The following ZBTB4 variants were observed in gnomAD, a reference collection of about 807,000 sequenced individuals.
ZBTB4 encodes the protein zinc finger and BTB domain-containing protein 4.
A neutral mutation model predicts 59.8 loss-of-function variants in ZBTB4; 14 were observed. The observed-to-expected ratio is 0.23, with a 90% confidence interval of 0.15 to 0.37. The LOEUF (loss-of-function observed/expected upper bound fraction) is 0.37. ZBTB4 is among the 10% of genes least tolerant of loss of function. ZBTB4 has a pLI of 1.00. For synonymous variants in ZBTB4, 587 were observed against 575.2 expected (o/e 1.02, Z -0.29); for missense variants, 1,198 against 1,380.8 (o/e 0.87, Z 2.10).
upstream of ZBTB4, chr17:7,479,665 A>G (rs1045454658): frequency 6.6e-5 from 1 of 15,248 alleles, no homozygotes. Context: ...CCCCACCCCC[A>G]CCCCCGGAAA....
Position 7,462,871 on chromosome 17 carries a change from C to A in ZBTB4, c.2111G>T (p.Arg704Leu). ...CGCTGGGGTTTCCTCCCAGCTCCTC[C>A]GTTCCAGCTTCTGCCTCCAACGTGG... ...RPPRWRQKLE[R>L]RSWEETPAAE... Residue 704 changes from arginine (R) to leucine (L), a missense_variant, in exon 4 of 4, where the codon CGG (arginine) becomes CTG (leucine). This residue lies in a region of ZBTB4 where 550 missense variants were observed against 541.8 expected (regional missense o/e 1.02). Coordinates refer to ENST00000380599, the MANE Select transcript of ZBTB4 (RefSeq NM_001128833.2). This position sits in a 1 kb window ranked among gnomAD's most constrained non-coding sequence, Gnocchi z 7.5. The A allele has an allele frequency of 6.2e-7, 1 of 1,606,394 alleles. No homozygotes were observed.
intron 1 of ZBTB4, among the ~76,000 whole-genome samples, chr17:7,477,142 G>A (rs771782768): frequency 3.3e-5 from 5 of 152,222 alleles, no homozygotes; most frequent in Non-Finnish European, 5.9e-5. Flanking sequence ...AAGCAAGTGT[G>A]TGCTGCCATT....
At chr17:7,476,245 A>G (rs771793499) in intron 1 of ZBTB4, among the ~76,000 whole-genome samples, 34 of 152,158 alleles carry the variant, frequency 2.2e-4, no homozygotes, top group Non-Finnish European at 2.4e-4. Flanking sequence ...ACTGGTCCCC[A>G]CTGACTCTAG....
At chr17:7,482,432 G>A (rs200897540), upstream of ZBTB4, 14 of 1,597,800 alleles carry the variant, frequency 8.8e-6, no homozygotes, top group Middle Eastern at 1.7e-4. Context: ...CCTCTGCCTT[G>A]AGAGCCAGGG....
chr17:7,463,035 C>CTCTTCG lies in ZBTB4; in HGVS notation c.1946_1947insCGAAGA (p.Glu648_Glu649insAspGlu). On this transcript the variant is annotated inframe_insertion, in exon 4 of 4. Coordinates refer to ENST00000380599, the MANE Select transcript of ZBTB4 (RefSeq NM_001128833.2). The stretch of plus-strand genomic sequence containing the variant: ...CAGCCTTTGATTCCTCCTCATCCTC[C>CTCTTCG]TCCTCCTCCTCTTCGTCCTCCTCCT... 6.2e-7 allele frequency: 1 copy of CTCTTCG among 1,611,368 alleles called. No homozygotes were observed. Among genetic ancestry groups the CTCTTCG allele is most frequent in the Non-Finnish European group, 8.5e-7 (1 of 1,179,602 alleles).
chr17:7,469,253 G>T (rs1326635672), intron 1 of ZBTB4, among the ~76,000 whole-genome samples: 3 of 152,108 alleles, frequency 2.0e-5, no homozygotes, highest in African/African-American at 7.2e-5. Context: ...TGCAACCCCC[G>T]CCTCCTAGGT....
Position 7,466,725 on chromosome 17 carries a change from C to CT in ZBTB4, c.76_77insA (p.Arg26GlnfsTer6). On this transcript the variant is annotated frameshift_variant, in exon 3 of 4. Coordinates refer to ENST00000380599, the MANE Select transcript of ZBTB4 (RefSeq NM_001128833.2). LOFTEE classifies it high-confidence loss of function. This position sits in a 1 kb window ranked among gnomAD's most constrained non-coding sequence, Gnocchi z 9.1. The stretch of plus-strand genomic sequence containing the variant: ...GAGGGTGACGTCACAGAAGAGGCCA[C>CT]GGAGCCGCTGTTCATTGAGCTGGCG... The CT allele has an allele frequency of 6.2e-7, 1 of 1,602,334 alleles. No individual in the cohort carries two copies. Among genetic ancestry groups the CT allele is most frequent in the Non-Finnish European group, 8.5e-7 (1 of 1,175,322 alleles).
Position 7,462,802 on chromosome 17 carries a change from C to T in ZBTB4, c.2180G>A (p.Arg727Gln), listed in dbSNP as rs765167064. The change falls in exon 4 of 4, where the codon CGA (arginine) becomes CAA (glutamine). Residue 727 changes from arginine to glutamine, a missense_variant. Coordinates refer to ENST00000380599, the MANE Select transcript of ZBTB4 (RefSeq NM_001128833.2). The surrounding 1 kb of genome is among the most constrained non-coding windows in gnomAD (Gnocchi z 7.5). ...GAAGGTCTGGGCACAGTCCCCGCAT[C>T]GGTGCCTCCGCTCTGTGCGGGCACG... ...AGRARTERRH[R>Q]CGDCAQTFTT... 7.5e-6 allele frequency: 12 copies of T among 1,602,434 alleles called. No homozygotes were observed. Among genetic ancestry groups the T allele is most frequent in the African/African-American group, 2.7e-5 (2 of 74,934 alleles).
rs868505941 is a variant in ZBTB4, at chr17:7,462,383, A to G, written c.2599T>C (p.Tyr867His). 9.3e-6 allele frequency: 15 copies of G among 1,613,726 alleles called. 1 individual carries two copies. The Admixed American group carries it at 1.2e-4, about 13-fold the overall frequency. The stretch of plus-strand genomic sequence containing the variant: ...AATTCCTGCACAGGTGGGTATACAT[A>G]GCTGCCCCCGCTTGCCACTACTGGG... ...EPPVVASGGS[Y>H]VYPPVQEFPL... The change falls in exon 4 of 4, where the codon TAT becomes CAT. Residue 867 changes from tyrosine (Y) to histidine (H), a missense_variant. By Grantham distance (83) the Tyr-to-His change is moderately conservative. This residue lies in a region of ZBTB4 where 211 missense variants were observed against 236.1 expected (regional missense o/e 0.89). Coordinates refer to ENST00000380599, the MANE Select transcript of ZBTB4 (RefSeq NM_001128833.2). The surrounding 1 kb of genome is among the most constrained non-coding windows in gnomAD (Gnocchi z 7.5).
At chr17:7,463,941 G>C (rs1567685301) in intron 3 of ZBTB4, 51 bp from the exon 4 acceptor site, 1 of 1,560,846 alleles carries the variant, frequency 6.4e-7, no homozygotes, top group Admixed American at 1.9e-5. Flanking sequence ...CTTGAGTCAA[G>C]GGCCCTGAAG....
chr17:7,467,440 G>A (rs1279481268), intron 1 of ZBTB4, 113 bp from the exon 2 acceptor site: 1 of 192,178 alleles, frequency 5.2e-6, no homozygotes, highest in East Asian at 1.9e-4. Flanking sequence ...GTGCAGTACT[G>A]TGGCCAGAGA....
At chr17:7,472,322 C>G (rs1390495032) in intron 1 of ZBTB4, among the ~76,000 whole-genome samples, 1 of 152,016 alleles carries the variant, frequency 6.6e-6, no homozygotes, top group African/African-American at 2.4e-5. Flanking sequence ...TCCCGAGTAG[C>G]TGGGATTACA....
intron 1 of ZBTB4, among the ~76,000 whole-genome samples, chr17:7,471,713 T>C (rs1474899128): frequency 6.6e-6 from 1 of 152,240 alleles, no homozygotes; most frequent in Non-Finnish European, 1.5e-5. Flanking sequence ...TCTGTTTCTT[T>C]GTCCATACGG....
rs140359797 is a variant in ZBTB4, at chr17:7,470,195, C to T, written c.-80-2868G>A. On this transcript the variant is annotated intron_variant, in intron 1 of 3. Coordinates refer to ENST00000380599, the MANE Select transcript of ZBTB4 (RefSeq NM_001128833.2). ...GGTGGATCCCTTGAGCTCAGGAGTT[C>T]GAGACCAGCCTGGGCAAGATGGAGA... is the stretch of plus-strand genomic sequence containing the variant. Among the ~76,000 whole-genome samples, 710 of 151,948 alleles carry T rather than the reference C, an allele frequency of 4.7e-3. 8 individuals carry two copies. The highest frequency in any genetic ancestry group is 0.017 in the African/African-American group (690 of 41,408).
chr17:7,480,612 C>T (rs527568048), upstream of ZBTB4, among the ~76,000 whole-genome samples: 9 of 151,780 alleles, frequency 5.9e-5, no homozygotes, highest in Non-Finnish European at 1.0e-4. Context: ...CCCAGCTACT[C>T]GGGAGGCTGA....
rs558565592 is a variant in ZBTB4 at position 7,468,237 on chromosome 17, G to A, written c.-80-910C>T. ...AAATACAAAAAATTAGCCGGGCGTG[G>A]TGGCACGTGCCTGTAATCCCAGCTA... On this transcript the variant is annotated intron_variant, in intron 1 of 3. Transcript: ENST00000380599. Among the ~76,000 whole-genome samples, 29 of 152,342 alleles carry A rather than the reference G, an allele frequency of 1.9e-4. 1 individual carries two copies. Among genetic ancestry groups the A allele is most frequent in the African/African-American group, 6.7e-4 (28 of 41,584 alleles).
chr17:7,462,005 T>C lies in ZBTB4; in HGVS notation c.2977A>G (p.Ile993Val), dbSNP rs145271750. ...TPPPPTLPPPIPPKGEGERAG... is the reference protein window; with the variant it reads ...TPPPPTLPPPVPPKGEGERAG... ...CTTTCCCCTTCTCCCTTAGGGGGAA[T>C]TGGTGGAGGAAGAGTTGGGGGAGGT... The change falls in exon 4 of 4, where the codon ATT (isoleucine) becomes GTT (valine). Residue 993 changes from isoleucine (I) to valine (V), a missense_variant. Physicochemically the swap from Ile to Val is conservative, Grantham distance 29. Coordinates refer to ENST00000380599, the MANE Select transcript of ZBTB4 (RefSeq NM_001128833.2). The surrounding 1 kb of genome is among the most constrained non-coding windows in gnomAD (Gnocchi z 7.5). 4.6e-5 allele frequency: 73 copies of C among 1,602,070 alleles called. No homozygotes were observed. In the Middle Eastern group the frequency reaches 8.3e-4, roughly 18 times the overall value.
chr17:7,476,054 G>T (rs553714786), intron 1 of ZBTB4, among the ~76,000 whole-genome samples: 2 of 152,298 alleles, frequency 1.3e-5, no homozygotes, highest in Non-Finnish European at 2.9e-5. Context: ...CTTGGGAATG[G>T]CTCTGGAAAT....
upstream of ZBTB4, among the ~76,000 whole-genome samples, chr17:7,480,612 C>G (rs527568048): frequency 6.6e-6 from 1 of 151,904 alleles, no homozygotes; most frequent in Admixed American, 6.6e-5. Context: ...CCCAGCTACT[C>G]GGGAGGCTGA....
Sources: gnomAD v4.1 joint callset for allele counts (sites outside exome capture counted in the v4.1 genomes callset) on GRCh38, gnomAD v4.1.1 for gene constraint, gnomAD v4.1.1 regional missense constraint, Gnocchi (gnomAD v3.1) non-coding constraint, MANE v1.5 for transcripts, NCBI Gene and HGNC (gene_info 2026-07-23, HGNC 2026-07-21) for gene names.